The following ADAMTSL3 variants were observed in gnomAD, a reference collection of about 807,000 sequenced individuals.
ADAMTSL3 encodes the protein ADAMTS like 3, also known as ADAMTS-like protein 3.
ADAMTSL3 carries 128 observed loss-of-function variants against 201.7 expected under a neutral mutation model. That is an observed-to-expected ratio of 0.63 (90% CI 0.55 to 0.73). ADAMTSL3 has a LOEUF of 0.73. Ranked by LOEUF, ADAMTSL3 falls within the 30% of genes least tolerant of loss-of-function variation. The pLI is 0.00. For synonymous variants in ADAMTSL3, 738 were observed against 748.4 expected (o/e 0.99, Z 0.23); for missense variants, 1,990 against 2,119.6 (o/e 0.94, Z 1.20).
chr15:83,933,142 A>G (rs1189942852), intron 17 of ADAMTSL3, among the ~76,000 whole-genome samples: 1 of 152,236 alleles, frequency 6.6e-6, no homozygotes, highest in East Asian at 1.9e-4. Context: ...TTCAAAAGTT[A>G]TGTGCTGGAG....
At chr15:83,801,619 T>G in intron 4 of ADAMTSL3, among the ~76,000 whole-genome samples, 1 of 129,362 alleles carries the variant, frequency 7.7e-6, no homozygotes, top group African/African-American at 2.8e-5. Context: ...AAAAGGTCAA[T>G]GAAATTTTAT....
chr15:84,029,553 G>A (rs1333779503), intron 27 of ADAMTSL3, among the ~76,000 whole-genome samples: 1 of 152,164 alleles, frequency 6.6e-6, no homozygotes, highest in Admixed American at 6.5e-5. Flanking sequence ...AGATGACTTG[G>A]AATTGGAACT....
intron 6 of ADAMTSL3, among the ~76,000 whole-genome samples, chr15:83,829,153 T>C (rs1348075678): frequency 6.6e-6 from 1 of 152,220 alleles, no homozygotes; most frequent in Admixed American, 6.5e-5. Flanking sequence ...ATCCATCTGG[T>C]CCTGGACTTT....
chr15:83,897,742 A>G, intron 13 of ADAMTSL3, 116 bp from the exon 14 acceptor site: 1 of 1,205,504 alleles, frequency 8.3e-7, no homozygotes, highest in Non-Finnish European at 1.1e-6. Flanking sequence ...ATTTGTCTAA[A>G]AGTCTTTTGT....
At chr15:83,781,200 G>T (rs182474703) in intron 4 of ADAMTSL3, among the ~76,000 whole-genome samples, 2 of 152,212 alleles carry the variant, frequency 1.3e-5, no homozygotes. Context: ...CATGCCGCCT[G>T]ACTTACAGCT....
chr15:83,766,744 A>C (rs1422144240), intron 3 of ADAMTSL3, among the ~76,000 whole-genome samples: 1 of 152,328 alleles, frequency 6.6e-6, no homozygotes, highest in East Asian at 1.9e-4. Context: ...AGAAGAAAAT[A>C]ACTTTTATTG....
chr15:83,657,960 G>A (rs2061113724), intron 2 of ADAMTSL3, among the ~76,000 whole-genome samples: 1 of 152,174 alleles, frequency 6.6e-6, no homozygotes, highest in African/African-American at 2.4e-5. Context: ...TGATTTTGGT[G>A]TTTGGGTGGG....
intron 17 of ADAMTSL3, among the ~76,000 whole-genome samples, chr15:83,940,454 C>G (rs1000806971): frequency 6.6e-6 from 1 of 152,186 alleles, no homozygotes; most frequent in Non-Finnish European, 1.5e-5. Context: ...CTTGCTGTGT[C>G]CTCACATGGT....
rs1268032627 is a variant in ADAMTSL3, at chr15:84,039,574, T to G, written c.*1768T>G. The G allele has an allele frequency of 6.6e-6, 1 of 152,666 alleles. No individual in the cohort carries two copies. Among genetic ancestry groups the G allele is most frequent in the East Asian group, 1.9e-4 (1 of 5,200 alleles). 9.5% of individuals were successfully genotyped at this position (152,666 alleles called of 1,614,324 possible). On this transcript the variant is annotated 3_prime_UTR_variant, in exon 30 of 30. Coordinates refer to ENST00000286744, the MANE Select transcript of ADAMTSL3 (RefSeq NM_207517.3). ...ATTTATTATATGAAAGGTGCAATAT[T>G]TTATTTTGTACAGTATGTAATAAAG...
chr15:83,960,346 CAT>C (rs2066943613), intron 19 of ADAMTSL3, among the ~76,000 whole-genome samples: 1 of 152,108 alleles, frequency 6.6e-6, no homozygotes, highest in African/African-American at 2.4e-5. Flanking sequence ...TGCCAAAGAC[CAT>C]AAAATCTGGA....
intron 19 of ADAMTSL3, chr15:83,962,163 T>G (rs1052990595): frequency 3.3e-5 from 5 of 152,208 alleles, no homozygotes; most frequent in African/African-American, 1.2e-4. Context: ...TCTTGCCTGC[T>G]GCCATGTAAG....
At chr15:83,933,902 C>T (rs986301145) in intron 17 of ADAMTSL3, among the ~76,000 whole-genome samples, 5 of 152,192 alleles carry the variant, frequency 3.3e-5, no homozygotes, top group Non-Finnish European at 7.3e-5. Flanking sequence ...AAGCAAAAAT[C>T]GAGGTTTGGG....
chr15:83,936,422 CAG>C (rs1567248009), intron 17 of ADAMTSL3, among the ~76,000 whole-genome samples: 2 of 150,830 alleles, frequency 1.3e-5, no homozygotes, highest in Admixed American at 6.6e-5. Flanking sequence ...TCAGGAAAAA[CAG>C]AATTCTTAAC....
At chr15:83,986,555 T>G (rs2067479136) in intron 21 of ADAMTSL3, among the ~76,000 whole-genome samples, 3 of 152,246 alleles carry the variant, frequency 2.0e-5, no homozygotes, top group Admixed American at 2.0e-4. Flanking sequence ...TCCATTTTCA[T>G]TTCTATTTTT....
chr15:84,034,917 A>G (rs1236283928), intron 28 of ADAMTSL3, among the ~76,000 whole-genome samples: 1 of 152,182 alleles, frequency 6.6e-6, no homozygotes, highest in Non-Finnish European at 1.5e-5. Flanking sequence ...AGAAAAACAC[A>G]TGAACCCCAG....
intron 3 of ADAMTSL3, among the ~76,000 whole-genome samples, chr15:83,772,788 C>T (rs1418342651): frequency 6.6e-6 from 1 of 151,880 alleles, no homozygotes; most frequent in African/African-American, 2.4e-5. Context: ...TTACTTCAAC[C>T]TCCGCCTCCC....
intron 13 of ADAMTSL3, among the ~76,000 whole-genome samples, chr15:83,893,614 T>C (rs2065553451): frequency 6.6e-6 from 1 of 152,144 alleles, no homozygotes; most frequent in South Asian, 2.1e-4. Context: ...TAGCCTAACA[T>C]TGGGAAAGAC....
At chr15:83,927,057 T>G (rs1333048594) in intron 17 of ADAMTSL3, among the ~76,000 whole-genome samples, 9 of 152,120 alleles carry the variant, frequency 5.9e-5, no homozygotes, top group Non-Finnish European at 1.5e-5. Flanking sequence ...GCCCCCATGC[T>G]CCAGTATTTT....
intron 15 of ADAMTSL3, among the ~76,000 whole-genome samples, chr15:83,910,462 G>GT (rs33980524): frequency 0.51 from 73,173 of 142,172 alleles, 20,132 homozygotes; most frequent in African/African-American, 0.71. Flanking sequence ...GTTGCCGTGG[G>GT]TTTTTTTTTT....
Sources: gnomAD v4.1 joint callset for allele counts (sites outside exome capture counted in the v4.1 genomes callset) on GRCh38, gnomAD v4.1.1 for gene constraint, MANE v1.5 for transcripts, NCBI Gene and HGNC (gene_info 2026-07-23, HGNC 2026-07-21) for gene names.